KCNH7: variants seen among roughly 807,000 people sequenced by gnomAD.
The protein encoded by KCNH7 is potassium voltage-gated channel subfamily H member 7.
In KCNH7, 49 loss-of-function variants were observed where a neutral mutation model predicts 120.8. That is an observed-to-expected ratio of 0.41 (90% CI 0.32 to 0.51). The LOEUF is 0.51. Ranked by LOEUF, KCNH7 falls within the 20% of genes least tolerant of loss-of-function variation. The pLI is 0.38. For missense variants in KCNH7, 1,097 were observed against 1,446.6 expected, an observed-to-expected ratio of 0.76 and a Z score of 3.92; for synonymous variants, 547 against 516.1, an observed-to-expected ratio of 1.06 and a Z score of -0.81.
chr2:162,671,572 G>A (rs2105296959), intron 2 of KCNH7, among the ~76,000 whole-genome samples: 1 of 152,100 alleles, frequency 6.6e-6, no homozygotes, highest in East Asian at 1.9e-4. Context: ...GATAGTGAGA[G>A]GGGACTGAGG....
chr2:162,536,501 G>C (rs1226251896), intron 3 of KCNH7, among the ~76,000 whole-genome samples: 1 of 152,046 alleles, frequency 6.6e-6, no homozygotes, highest in East Asian at 1.9e-4. Context: ...ATGGTTCAAA[G>C]CATGTGGAGG....
At chr2:162,378,100 C>T (rs1411470729) in intron 14 of KCNH7, among the ~76,000 whole-genome samples, 1 of 152,174 alleles carries the variant, frequency 6.6e-6, no homozygotes, top group Non-Finnish European at 1.5e-5. Flanking sequence ...GGAGAATATA[C>T]TCAAATGAAC....
At chr2:162,822,592 A>T (rs1444372561) in intron 2 of KCNH7, among the ~76,000 whole-genome samples, 1 of 152,210 alleles carries the variant, frequency 6.6e-6, no homozygotes, top group Non-Finnish European at 1.5e-5. Context: ...TCACTTTATC[A>T]AAGAAGTAAC....
At chr2:162,425,834 T>A (rs933911214) in intron 8 of KCNH7, among the ~76,000 whole-genome samples, 2 of 152,134 alleles carry the variant, frequency 1.3e-5, no homozygotes, top group African/African-American at 4.8e-5. Flanking sequence ...AACCAAAATG[T>A]TAGTTTAGGT....
At chr2:162,377,085 GACTCC>G (rs1436887062) in intron 14 of KCNH7, among the ~76,000 whole-genome samples, 2 of 152,180 alleles carry the variant, frequency 1.3e-5, no homozygotes, top group African/African-American at 4.8e-5. Context: ...AAACAGGGTA[GACTCC>G]ACTATAGAAC....
At chr2:162,382,661 T>A (rs867060383) in intron 13 of KCNH7, among the ~76,000 whole-genome samples, 6 of 152,014 alleles carry the variant, frequency 3.9e-5, no homozygotes, top group Non-Finnish European at 5.9e-5. Flanking sequence ...ATGTTAGGAA[T>A]ATGAGTGAGT....
At chr2:162,606,874 A>G (rs571935124) in intron 2 of KCNH7, among the ~76,000 whole-genome samples, 8 of 152,336 alleles carry the variant, frequency 5.3e-5, no homozygotes, top group South Asian at 4.1e-4. Context: ...TCAAAATGCT[A>G]TCTTTATTAA....
At chr2:162,774,628 A>T (rs1683170419) in intron 2 of KCNH7, among the ~76,000 whole-genome samples, 1 of 152,222 alleles carries the variant, frequency 6.6e-6, no homozygotes, top group South Asian at 2.1e-4. Context: ...GTAAGAAGTC[A>T]TCAGTAAATA....
chr2:162,690,597 A>G (rs1201614938), intron 2 of KCNH7, among the ~76,000 whole-genome samples: 2 of 152,136 alleles, frequency 1.3e-5, no homozygotes, highest in African/African-American at 2.4e-5. Context: ...AAAGAGGGTA[A>G]GGAGTATGAG....
At chr2:162,764,984 A>C (rs975936222) in intron 2 of KCNH7, among the ~76,000 whole-genome samples, 2 of 152,196 alleles carry the variant, frequency 1.3e-5, no homozygotes, top group African/African-American at 2.4e-5. Context: ...CTATAAAACC[A>C]AATTTAAAAA....
chr2:162,808,732 A>T (rs537126072), intron 2 of KCNH7, among the ~76,000 whole-genome samples: 4 of 151,706 alleles, frequency 2.6e-5, no homozygotes, highest in East Asian at 1.9e-4. Flanking sequence ...GCATATATAT[A>T]TTAAAGATAT....
At chr2:162,430,460 C>T (rs1558940838) in intron 8 of KCNH7, among the ~76,000 whole-genome samples, 2 of 151,974 alleles carry the variant, frequency 1.3e-5, no homozygotes, top group Admixed American at 1.3e-4. Context: ...GTCTCCATGA[C>T]CTCTGATCTT....
intron 7 of KCNH7, among the ~76,000 whole-genome samples, chr2:162,444,188 C>T (rs1688511763): frequency 6.6e-6 from 1 of 152,162 alleles, no homozygotes; most frequent in African/African-American, 2.4e-5. Flanking sequence ...CTTTTGCCCT[C>T]TGCCATCCCC....
chr2:162,405,485 T>A (rs904208637), intron 9 of KCNH7, among the ~76,000 whole-genome samples: 1 of 151,944 alleles, frequency 6.6e-6, no homozygotes, highest in African/African-American at 2.4e-5. Context: ...TAAACATCTA[T>A]CAAATATGAC....
At chr2:162,526,318 G>A (rs1221747393) in intron 3 of KCNH7, among the ~76,000 whole-genome samples, 1 of 151,848 alleles carries the variant, frequency 6.6e-6, no homozygotes, top group Non-Finnish European at 1.5e-5. Flanking sequence ...GAAGTTTCGG[G>A]CACTCATTGT....
intron 2 of KCNH7, among the ~76,000 whole-genome samples, chr2:162,580,309 A>G (rs768891396): frequency 3.0e-4 from 45 of 152,084 alleles, no homozygotes; most frequent in Non-Finnish European, 5.4e-4. Flanking sequence ...CAAGAAATGA[A>G]TGAGAGCCAG....
chr2:162,506,563 T>G (rs944505191), intron 5 of KCNH7, among the ~76,000 whole-genome samples: 2 of 151,798 alleles, frequency 1.3e-5, no homozygotes, highest in African/African-American at 4.8e-5. Context: ...ATAACAGAGA[T>G]CAAATATATA....
At chr2:162,459,166 A>G (rs1689070281) in intron 6 of KCNH7, among the ~76,000 whole-genome samples, 1 of 151,872 alleles carries the variant, frequency 6.6e-6, no homozygotes, top group East Asian at 1.9e-4. Flanking sequence ...AAGAAGAGAT[A>G]GTATACATGA....
intron 6 of KCNH7, among the ~76,000 whole-genome samples, chr2:162,449,078 G>A (rs1247425102): frequency 6.6e-6 from 1 of 151,958 alleles, no homozygotes. Flanking sequence ...GGGTAAGAAA[G>A]CATAAAATCA....
Sources: allele counts gnomAD v4.1 joint callset (sites outside exome capture counted in the v4.1 genomes callset), GRCh38; gene constraint gnomAD v4.1.1; transcripts MANE v1.5; gene names NCBI Gene and HGNC (gene_info 2026-07-23, HGNC 2026-07-21).